Variants in DMD observed in about 807,000 individuals in gnomAD.
DMD encodes mutant dystrophin.
A neutral mutation model predicts 330.1 loss-of-function variants in DMD; 63 were observed. The observed-to-expected ratio is 0.19, with a 90% confidence interval of 0.16 to 0.24. The LOEUF (loss-of-function observed/expected upper bound fraction) is 0.24, where lower values mean the gene tolerates loss of function less well. Among genes scored for constraint, DMD ranks in the 10% least tolerant of loss-of-function variants. The pLI is 1.00. For synonymous variants in DMD, 1,223 were observed against 959.8 expected (o/e 1.27, Z -5.07); for missense variants, 3,344 against 2,684.1 (o/e 1.25, Z -5.43).
At chrX:32,043,787 G>A (rs2096032231) in intron 44 of DMD, among the ~76,000 whole-genome samples, 2 of 111,936 alleles carry the variant, frequency 1.8e-5, no homozygotes, top group African/African-American at 6.5e-5. Context: ...CAAAGCCCAT[G>A]TATTTTAATC....
intron 1 of DMD, among the ~76,000 whole-genome samples, chrX:33,127,665 A>G (rs1448786942): frequency 2.0e-5 from 2 of 98,570 alleles, no homozygotes; most frequent in Admixed American, 2.3e-4. Context: ...AAATAAGCCC[A>G]TATATATATG....
chrX:31,762,988 T>C (rs769043163), intron 51 of DMD, among the ~76,000 whole-genome samples: 1 of 112,285 alleles, frequency 8.9e-6, no homozygotes, highest in South Asian at 3.6e-4. Context: ...TGTTGTCATA[T>C]TCCAAATACT....
intron 30 of DMD, among the ~76,000 whole-genome samples, chrX:32,407,713 G>A (rs2098124105): frequency 9.1e-6 from 1 of 109,895 alleles, no homozygotes; most frequent in African/African-American, 3.3e-5. Context: ...GCAAAGACTT[G>A]GAACCAACCC....
At chrX:33,249,616 T>G (rs2052736225) in intron 1 of DMD, among the ~76,000 whole-genome samples, 1 of 111,747 alleles carries the variant, frequency 8.9e-6, no homozygotes, top group Non-Finnish European at 1.9e-5. Context: ...TTTAACAACG[T>G]AGGAAACAGC....
rs144775659 is a variant in DMD, at chrX:32,518,551, C to T, written c.2169-420G>A. On this transcript the variant is annotated intron_variant, in intron 17 of 78. Transcript: ENST00000357033. ...TCTGTAGTCTCCAATCATACTGCCT[C>T]TGGGTTTGGCCACGTGACTTTCTAT... Among the ~76,000 whole-genome samples the T allele has an allele frequency of 4.7e-3, 526 of 111,173 alleles. 1 individual carries two copies. Among genetic ancestry groups the T allele is most frequent in the African/African-American group, 0.016 (503 of 30,596 alleles).
intron 61 of DMD, among the ~76,000 whole-genome samples, chrX:31,340,640 T>C (rs1484951627): frequency 2.7e-5 from 3 of 112,257 alleles, no homozygotes; most frequent in Non-Finnish European, 5.6e-5. Flanking sequence ...AACGACCATA[T>C]AAAGTTATGA....
At chrX:31,959,069 T>G (rs768317536) in intron 45 of DMD, among the ~76,000 whole-genome samples, 151 of 111,604 alleles carry the variant, frequency 1.4e-3, no homozygotes, top group African/African-American at 4.9e-3. Flanking sequence ...AACGACTAAA[T>G]TGTTCCACTT....
At chrX:32,412,185 A>T (rs1258631181) in intron 29 of DMD, 1 of 1,088,630 alleles carries the variant, frequency 9.2e-7, no homozygotes, top group Non-Finnish European at 1.2e-6. Context: ...GCTGGAAAAA[A>T]AATTAGCAAA....
chrX:32,036,315 G>T (rs900238899), intron 44 of DMD, among the ~76,000 whole-genome samples: 4 of 111,617 alleles, frequency 3.6e-5, no homozygotes, highest in Non-Finnish European at 7.5e-5. Context: ...CCAGAGTCTA[G>T]GCAAGAGATA....
intron 12 of DMD, among the ~76,000 whole-genome samples, chrX:32,608,030 C>A (rs2056874373): frequency 9.1e-6 from 1 of 109,441 alleles, no homozygotes; most frequent in South Asian, 3.8e-4. Context: ...ATGACAGAGT[C>A]TTGATCAGGT....
At chrX:32,759,519 T>C (rs1489963475) in intron 7 of DMD, among the ~76,000 whole-genome samples, 1 of 111,333 alleles carries the variant, frequency 9.0e-6, no homozygotes, top group Non-Finnish European at 1.9e-5. Context: ...ATGGGAGAGA[T>C]GAGTTAGTTA....
At chrX:32,751,830 G>A (rs926204685) in intron 7 of DMD, among the ~76,000 whole-genome samples, 1 of 112,533 alleles carries the variant, frequency 8.9e-6, no homozygotes, top group Non-Finnish European at 1.9e-5. Flanking sequence ...CTGTGTCCCA[G>A]CCACTCCAGC....
chrX:33,333,338 AC>A (rs1325877255), intron 1 of DMD, among the ~76,000 whole-genome samples: 2 of 111,498 alleles, frequency 1.8e-5, no homozygotes, highest in Non-Finnish European at 3.8e-5. Flanking sequence ...CTCCCCCACG[AC>A]AACTTTTTCT....
chrX:32,281,889 C>T (rs956430829), intron 43 of DMD, among the ~76,000 whole-genome samples: 6 of 111,594 alleles, frequency 5.4e-5, no homozygotes, highest in African/African-American at 1.6e-4. Flanking sequence ...GTCTATTTTA[C>T]ATCATATCTA....
rs1010286034 is a variant in DMD at position 31,880,294 on chromosome X, G to A, written c.6913-4921C>T. ...TATAAAAAGATTGAATATAATATGC[G>A]TATTCACTTATAAATTAAAGCCACT... On this transcript the variant is annotated intron_variant, in intron 47 of 78. Transcript: ENST00000357033. Among the ~76,000 whole-genome samples, 12 of 111,406 alleles carry A rather than the reference G, an allele frequency of 1.1e-4. No individual in the cohort carries two copies. In the East Asian group the frequency reaches 1.1e-3, roughly 10 times the overall value.
intron 11 of DMD, among the ~76,000 whole-genome samples, chrX:32,619,098 A>G (rs1278896179): frequency 4.5e-5 from 5 of 111,995 alleles, no homozygotes. Context: ...AAAATGTGGT[A>G]TACATATATA....
At chrX:32,673,937 C>T (rs567376436) in intron 9 of DMD, among the ~76,000 whole-genome samples, 11 of 111,609 alleles carry the variant, frequency 9.9e-5, no homozygotes, top group African/African-American at 3.6e-4. Context: ...ATCTGATTGC[C>T]AAAGAAACCC....
At chrX:33,296,899 G>A (rs754933972) in intron 1 of DMD, among the ~76,000 whole-genome samples, 3 of 111,489 alleles carry the variant, frequency 2.7e-5, no homozygotes, top group African/African-American at 9.7e-5. Context: ...CTTATTTGAT[G>A]TTTAGAAAAT....
At chrX:32,643,750 T>C (rs940131089) in intron 11 of DMD, among the ~76,000 whole-genome samples, 2 of 111,863 alleles carry the variant, frequency 1.8e-5, no homozygotes, top group Non-Finnish European at 3.8e-5. Context: ...GGGCTTTTTC[T>C]TCAGAAGAGA....
Sources: gnomAD v4.1 joint callset for allele counts (sites outside exome capture counted in the v4.1 genomes callset) on GRCh38, gnomAD v4.1.1 for gene constraint, MANE v1.5 for transcripts, NCBI Gene and HGNC (gene_info 2026-07-23, HGNC 2026-07-21) for gene names.